Variants in UGT1A4 observed in about 807,000 individuals in gnomAD.
The protein encoded by UGT1A4 is UDP glucuronosyltransferase family 1 member A4.
A neutral mutation model predicts 41.1 loss-of-function variants in UGT1A4; 32 were observed. The observed-to-expected ratio is 0.78, with a 90% CI of 0.59 to 1.05. The LOEUF (loss-of-function observed/expected upper bound fraction) is 1.05. Among genes scored for constraint, UGT1A4 ranks in the 50% least tolerant of loss-of-function variants. The pLI is 0.00. For synonymous variants in UGT1A4, 283 were observed against 265.1 expected (o/e 1.07, Z -0.66); for missense variants, 748 against 677.4 (o/e 1.10, Z -1.16).
chr2:233,772,116 AAACAAC>A, intron 4 of UGT1A4, 140 bp from the exon 5 acceptor site: 1 of 1,531,302 alleles, frequency 6.5e-7, no homozygotes, highest in Non-Finnish European at 8.8e-7. Context: ...CTGTATCTAA[AAACAAC>A]AACAACAACA....
At chr2:233,748,043 G>C (rs1693846723) in intron 1 of UGT1A4, 13 of 1,613,298 alleles carry the variant, frequency 8.1e-6, no homozygotes, top group Non-Finnish European at 1.1e-5. Flanking sequence ...TCTTCATTGG[G>C]GGCATCAACT....
At position 233,749,056 on chromosome 2, in the gene UGT1A4, A is replaced by T. The variant is rs140417619; in HGVS notation, c.868-17978A>T. Among the ~76,000 whole-genome samples, 122 of 151,804 alleles carry T rather than the reference A, an allele frequency of 8.0e-4. 1 individual carries two copies. Among genetic ancestry groups the T allele is most frequent in the African/African-American group, 2.8e-3 (116 of 41,130 alleles). On this transcript the variant is annotated intron_variant, in intron 1 of 4. Transcript: ENST00000373409. ...CATTGATGTGGTACTCTGGGACCTG[A>T]ATATTGTTTCTTATTCCTTGGTGTG... is the stretch of plus-strand genomic sequence containing the variant.
At chr2:233,728,855 A>C (rs900192312) in intron 1 of UGT1A4, among the ~76,000 whole-genome samples, 5 of 152,210 alleles carry the variant, frequency 3.3e-5, no homozygotes, top group African/African-American at 1.2e-4. Flanking sequence ...ATTGGATGAG[A>C]AACAAGAGCT....
rs34903743 is a variant in UGT1A4 at position 233,767,311 on chromosome 2, T to G, written c.999+146T>G. 5,888 of 1,514,258 alleles carry G rather than the reference T, an allele frequency of 3.9e-3. 20 individuals carry two copies. Among genetic ancestry groups the G allele is most frequent in the Admixed American group, 4.9e-3 (211 of 43,394 alleles). The allele number at this position is 1,514,258 out of a possible 1,614,324, so 93.8% of individuals were successfully genotyped here. A position where few individuals can be genotyped will look rare whatever the true frequency, so the allele number is the denominator to read the frequency against. On this transcript the variant is annotated intron_variant, in intron 2 of 4. Coordinates refer to ENST00000373409, the MANE Select transcript of UGT1A4 (RefSeq NM_007120.3). Reference sequence around the variant, plus strand: ...CCCAACTATTAATCCAAAGGTTTTTTTTGTTGTTGTGGTTGTTGTCATTGT... The same window carrying G: ...CCCAACTATTAATCCAAAGGTTTTTGTTGTTGTTGTGGTTGTTGTCATTGT...
At chr2:233,757,062 G>C (rs1469367274) in intron 1 of UGT1A4, among the ~76,000 whole-genome samples, 1 of 151,518 alleles carries the variant, frequency 6.6e-6, no homozygotes, top group South Asian at 2.1e-4. Flanking sequence ...GAACAGCAAG[G>C]GATCCAGAAT....
chr2:233,742,812 T>C (rs992545321), intron 1 of UGT1A4: 2 of 153,630 alleles, frequency 1.3e-5, no homozygotes, highest in African/African-American at 4.9e-5. Context: ...AGTATTGATA[T>C]TATTTGTAGA....
chr2:233,728,954 G>A (rs2077771414), intron 1 of UGT1A4, among the ~76,000 whole-genome samples: 1 of 150,840 alleles, frequency 6.6e-6, no homozygotes, highest in Admixed American at 6.6e-5. Flanking sequence ...GGGGCCCACA[G>A]TGAAAAACAG....
chr2:233,768,255 G>A lies in UGT1A4; in HGVS notation c.1123G>A (p.Gly375Ser), dbSNP rs1276913504. The A allele has an allele frequency of 1.2e-6, 2 of 1,614,166 alleles. No homozygotes were observed. Among genetic ancestry groups the A allele is most frequent in the Non-Finnish European group, 8.5e-7 (1 of 1,180,040 alleles). ...PMTRAFITHAGSHGVYESICN... is the reference protein window; with the variant it reads ...PMTRAFITHASSHGVYESICN... Reference sequence around the variant, plus strand: ...GACCCGTGCCTTTATCACCCATGCTGGTTCCCATGGTGTTTATGAAAGCAT... The same window carrying A: ...GACCCGTGCCTTTATCACCCATGCTAGTTCCCATGGTGTTTATGAAAGCAT... The change falls in exon 4 of 5, where the codon GGT becomes AGT. Residue 375 changes from glycine to serine, a missense_variant. Gly to Ser is a moderately conservative substitution (Grantham distance 56, BLOSUM62 0). Coordinates refer to ENST00000373409, the MANE Select transcript of UGT1A4 (RefSeq NM_007120.3).
At chr2:233,771,792 C>T (rs974191909) in intron 4 of UGT1A4, among the ~76,000 whole-genome samples, 6 of 151,492 alleles carry the variant, frequency 4.0e-5, no homozygotes, top group Non-Finnish European at 8.8e-5. Context: ...CTCTCCCTCC[C>T]TCCCTCCCTC....
chr2:233,755,325 G>T, intron 1 of UGT1A4: 1 of 473,384 alleles, frequency 2.1e-6, no homozygotes, highest in Non-Finnish European at 3.6e-6. Flanking sequence ...AAGGCTGCCA[G>T]CACCCGCGCA....
Position 233,719,454 on chromosome 2 carries a change from A to G in UGT1A4, c.634A>G (p.Lys212Glu). The change falls in exon 1 of 5, where the codon AAG becomes GAG. Residue 212 changes from lysine (K) to glutamate (E), a missense_variant. Lys to Glu is a moderately conservative substitution (Grantham distance 56). Coordinates refer to ENST00000373409, the MANE Select transcript of UGT1A4 (RefSeq NM_007120.3). ...SDHMTFLQRVKNMLYPLALSY... is the reference protein window; with the variant it reads ...SDHMTFLQRVENMLYPLALSY... ...CCACATGACATTCCTGCAAAGGGTC[A>G]AGAACATGCTCTACCCTCTGGCCCT... 2 of 1,613,988 alleles carry G rather than the reference A, an allele frequency of 1.2e-6. No individual in the cohort carries two copies. Among genetic ancestry groups the G allele is most frequent in the Non-Finnish European group, 1.7e-6 (2 of 1,179,850 alleles).
intron 1 of UGT1A4, chr2:233,729,461 G>A: frequency 6.2e-7 from 1 of 1,614,132 alleles, no homozygotes; most frequent in South Asian, 1.1e-5. Flanking sequence ...AAATTTTTCA[G>A]AAGTATGGCA....
chr2:233,736,749 T>C (rs1395071479), intron 1 of UGT1A4, among the ~76,000 whole-genome samples: 1 of 152,196 alleles, frequency 6.6e-6, no homozygotes, highest in African/African-American at 2.4e-5. Flanking sequence ...TTTCTGTTTG[T>C]TAGTTTTCCT....
intron 1 of UGT1A4, among the ~76,000 whole-genome samples, chr2:233,738,491 G>C (rs113157638): frequency 5.3e-5 from 8 of 152,298 alleles, no homozygotes; most frequent in African/African-American, 1.9e-4. Flanking sequence ...CTTGTTGAAC[G>C]GTTTTGACCA....
At chr2:233,757,537 T>TAAATATACATATAC (rs1696591664) in intron 1 of UGT1A4, among the ~76,000 whole-genome samples, 2 of 107,778 alleles carry the variant, frequency 1.9e-5, no homozygotes, top group African/African-American at 9.3e-5. Context: ...CTGTAAGGAA[T>TAAATATACATATAC]ATATATATAT....
intron 1 of UGT1A4, chr2:233,754,930 G>A (rs1387383656): frequency 5.9e-6 from 8 of 1,344,668 alleles, no homozygotes; most frequent in Non-Finnish European, 8.0e-6. Flanking sequence ...TTTCCCAAGA[G>A]GTCAAAGGAG....
chr2:233,766,265 G>A (rs1699086397), intron 1 of UGT1A4, among the ~76,000 whole-genome samples: 1 of 67,776 alleles, frequency 1.5e-5, no homozygotes, highest in Admixed American at 1.4e-4. Flanking sequence ...TCAGTGGCCC[G>A]GGCTCGGTGG....
At chr2:233,726,020 T>C (rs1287334417) in intron 1 of UGT1A4, among the ~76,000 whole-genome samples, 1 of 152,052 alleles carries the variant, frequency 6.6e-6, no homozygotes, top group African/African-American at 2.4e-5. Context: ...CAAAAAATTA[T>C]CCAGGTGTGA....
At chr2:233,738,602 T>A (rs1388412839) in intron 1 of UGT1A4, among the ~76,000 whole-genome samples, 2 of 152,210 alleles carry the variant, frequency 1.3e-5, no homozygotes, top group East Asian at 3.8e-4. Context: ...TGCTAAGCTT[T>A]AGCAAAGAAA....
Sources: allele counts gnomAD v4.1 joint callset (sites outside exome capture counted in the v4.1 genomes callset), GRCh38; gene constraint gnomAD v4.1.1; transcripts MANE v1.5; gene names NCBI Gene and HGNC (gene_info 2026-07-23, HGNC 2026-07-21).